CBX7: variants seen among roughly 807,000 people sequenced by gnomAD.
CBX7 encodes chromobox 7.
A neutral mutation model predicts 31.4 loss-of-function variants in CBX7; 14 were observed. That is an observed-to-expected ratio of 0.45 (90% CI 0.29 to 0.70). The LOEUF is 0.70. Ranked by LOEUF, CBX7 falls within the 30% of genes least tolerant of loss-of-function variation. CBX7 has a pLI of 0.11. For synonymous variants in CBX7, 159 were observed against 152.6 expected (o/e 1.04, Z -0.31); for missense variants, 269 against 351.9 (o/e 0.76, Z 1.89).
At chr22:39,138,856 C>T (rs1930348194) in intron 3 of CBX7, among the ~76,000 whole-genome samples, 154 bp from the exon 4 acceptor site, 1 of 152,236 alleles carries the variant, frequency 6.6e-6, no homozygotes, top group Admixed American at 6.5e-5. Context: ...TGGCTGGGGC[C>T]ATAACAACGG....
chr22:39,134,839 G>T, intron 4 of CBX7, 87 bp from the exon 5 acceptor site: 1 of 839,342 alleles, frequency 1.2e-6, no homozygotes, highest in Non-Finnish European at 1.7e-6. Context: ...CACCCGGAAT[G>T]CCCTTCCCAT....
intron 2 of CBX7, chr22:39,147,456 T>C (rs1930701013): frequency 6.6e-5 from 10 of 152,086 alleles, no homozygotes; most frequent in Admixed American, 6.5e-4. Context: ...AGCAGGAGAA[T>C]CACTACCCCA....
At position 39,133,897 on chromosome 22, in the gene CBX7, C is replaced by G. The variant is rs1159724313; in HGVS notation, c.750G>C (p.Lys250Asn). The G allele has an allele frequency of 5.0e-6, 8 of 1,607,986 alleles. No homozygotes were observed. The highest frequency in any genetic ancestry group is 6.8e-6 in the Non-Finnish European group (8 of 1,176,604). ...GAAGAGTAAAAACGGTGATTCAGAACTTCCCACTGCGGTCTCGGAAGAAGC... is the reference window on the plus strand; with the variant it reads ...GAAGAGTAAAAACGGTGATTCAGAAGTTCCCACTGCGGTCTCGGAAGAAGC... ...AEGFFRDRSGKF is the reference protein window; with the variant it reads ...AEGFFRDRSGNF Residue 250 changes from lysine to asparagine, a missense_variant, in exon 6 of 6, where the codon AAG (lysine) becomes AAC (asparagine). Around this residue, in one of 2 missense-constraint regions of CBX7, gnomAD observed 222 missense variants for 240.4 expected, o/e 0.92. Transcript: ENST00000216133.
At chr22:39,146,289 G>A (rs1449532160) in intron 2 of CBX7, among the ~76,000 whole-genome samples, 1 of 152,254 alleles carries the variant, frequency 6.6e-6, no homozygotes, top group Non-Finnish European at 1.5e-5. Context: ...AGCCCAGGGA[G>A]CGTAAAAGTC....
At chr22:39,134,815 C>T in intron 4 of CBX7, 63 bp from the exon 5 acceptor site, 2 of 1,021,016 alleles carry the variant, frequency 2.0e-6, no homozygotes, top group Non-Finnish European at 2.7e-6. Context: ...CACCTTTGCT[C>T]ATGCTGTTCC....
chr22:39,136,642 A>C (rs1930264840), intron 4 of CBX7: 1 of 152,368 alleles, frequency 6.6e-6, no homozygotes, highest in African/African-American at 2.4e-5. Context: ...ACTGCAGCCC[A>C]GACTAGAACC....
In CBX7 at chr22:39,141,160, C is replaced by T. The variant is rs570354331; in HGVS notation, c.179+211G>A. On this transcript the variant is annotated intron_variant, in intron 3 of 5. Transcript: ENST00000216133. ...GGCCCGGGTGGGTAAAGGAAGTGAC[C>T]GAGATCACCCAACAACAGGAAAGGG... 7.6e-4 allele frequency: 404 copies of T among 528,922 alleles called. 1 individual carries two copies. Among genetic ancestry groups the T allele is most frequent in the Non-Finnish European group, 1.2e-3 (355 of 295,854 alleles). 32.8% of individuals were successfully genotyped at this position (528,922 alleles called of 1,614,324 possible). A position where few individuals can be genotyped will look rare whatever the true frequency, so the allele number is the denominator to read the frequency against.
intron 3 of CBX7, among the ~76,000 whole-genome samples, chr22:39,139,517 A>G (rs1930374106): frequency 6.6e-6 from 1 of 152,002 alleles, no homozygotes; most frequent in Non-Finnish European, 1.5e-5. Flanking sequence ...CCAGGCTAAC[A>G]CAGTGAAACC....
At chr22:39,142,326 G>T (rs553775890) in intron 2 of CBX7, among the ~76,000 whole-genome samples, 14 of 152,214 alleles carry the variant, frequency 9.2e-5, no homozygotes, top group African/African-American at 3.4e-4. Context: ...CCCATCCCCA[G>T]CATAGTCTCC....
intron 3 of CBX7, 85 bp from the exon 4 acceptor site, chr22:39,138,787 GCTGT>G (rs1930345878): frequency 2.4e-6 from 3 of 1,272,048 alleles, no homozygotes; most frequent in Non-Finnish European, 3.4e-6. Context: ...CCCGCCCTCT[GCTGT>G]CTGTCAGGGA....
chr22:39,139,038 A>C (rs1792680352), intron 3 of CBX7, among the ~76,000 whole-genome samples: 1 of 152,042 alleles, frequency 6.6e-6, no homozygotes, highest in African/African-American at 2.4e-5. Context: ...AACGTGGCTC[A>C]GTTTTTCCTC....
At position 39,134,214 on chromosome 22, in the gene CBX7, C is replaced by T. The variant is rs1415539684; in HGVS notation, c.599-166G>A. The T allele has an allele frequency of 1.0e-5, 9 of 858,286 alleles. No individual in the cohort carries two copies. In the African/African-American group the frequency reaches 1.4e-4, roughly 13 times the overall value. The allele number at this position is 858,286 out of a possible 1,614,324, so 53.2% of individuals were successfully genotyped here. A position where few individuals can be genotyped will look rare whatever the true frequency, so the allele number is the denominator to read the frequency against. On this transcript the variant is annotated intron_variant, in intron 5 of 5. Coordinates refer to ENST00000216133, the MANE Select transcript of CBX7 (RefSeq NM_175709.5). ...AGGAGGGCACTGGGTGCATCCTCCC[C>T]ACCTAGACAAGAGCTCAGCCAGAGC...
chr22:39,139,046 C>T (rs1030382982), intron 3 of CBX7, among the ~76,000 whole-genome samples: 4 of 152,076 alleles, frequency 2.6e-5, no homozygotes, highest in Non-Finnish European at 5.9e-5. Flanking sequence ...TCAGTTTTTC[C>T]TCCTAGGGGA....
At chr22:39,149,492 C>A in intron 2 of CBX7, 2 of 500,730 alleles carry the variant, frequency 4.0e-6, no homozygotes, top group Non-Finnish European at 7.2e-6. Flanking sequence ...CCTTCACCTC[C>A]CAGTTGCCAA....
intron 2 of CBX7, chr22:39,149,065 C>G (rs1388192927): frequency 7.2e-5 from 11 of 152,186 alleles, no homozygotes; most frequent in Admixed American, 7.2e-4. Context: ...TGCTGGAGGG[C>G]ATTGGTGGGT....
At chr22:39,137,383 T>G (rs1000604872) in intron 4 of CBX7, among the ~76,000 whole-genome samples, 1 of 151,984 alleles carries the variant, frequency 6.6e-6, no homozygotes, top group Non-Finnish European at 1.5e-5. Context: ...AGTTTCACTC[T>G]TATCACCCAG....
intron 2 of CBX7, chr22:39,147,721 G>GT (rs1336600467): frequency 6.6e-6 from 1 of 152,256 alleles, no homozygotes; most frequent in African/African-American, 2.4e-5. Flanking sequence ...GGGCACCACA[G>GT]TGCATGGGGT....
At chr22:39,151,397 A>AGAGACAGGGGTCTCACCGTGTT in intron 1 of CBX7, among the ~76,000 whole-genome samples, 1 of 152,286 alleles carries the variant, frequency 6.6e-6, no homozygotes, top group South Asian at 2.1e-4. Context: ...GCTGCCAATC[A>AGAGACAGGGGTCTCACCGTGTT]GCCCAGTTGA....
At chr22:39,134,261 G>C in intron 5 of CBX7, 140 bp downstream of exon 5, 1 of 871,700 alleles carries the variant, frequency 1.1e-6, no homozygotes, top group East Asian at 2.7e-5. Context: ...AGGAGCCCTG[G>C]GCTAGTGTTG....
Sources: gnomAD v4.1 joint callset for allele counts (sites outside exome capture counted in the v4.1 genomes callset) on GRCh38, gnomAD v4.1.1 for gene constraint, gnomAD v4.1.1 regional missense constraint, MANE v1.5 for transcripts, NCBI Gene and HGNC (gene_info 2026-07-23, HGNC 2026-07-21) for gene names.